B3GALT1: variants seen among roughly 807,000 people sequenced by gnomAD.
B3GALT1 encodes the protein beta-1,3-galactosyltransferase 1.
Under a neutral mutation model 23.2 loss-of-function variants are expected in B3GALT1, and 10 were observed. The observed-to-expected ratio is 0.43, with a 90% confidence interval of 0.27 to 0.73. The LOEUF (loss-of-function observed/expected upper bound fraction) is 0.73, where lower values mean the gene tolerates loss of function less well. B3GALT1 is among the 30% of genes least tolerant of loss of function. The pLI is 0.21. For synonymous variants in B3GALT1, 156 were observed against 141.5 expected (o/e 1.10, Z -0.73); for missense variants, 299 against 405.4 (o/e 0.74, Z 2.25).
intron 3 of B3GALT1, among the ~76,000 whole-genome samples, chr2:167,744,499 T>C (rs557571502): frequency 2.0e-5 from 3 of 152,342 alleles, no homozygotes; most frequent in East Asian, 3.9e-4. Context: ...AGAATACTTT[T>C]TATTCCTCAG....
intron 1 of B3GALT1, among the ~76,000 whole-genome samples, chr2:167,436,771 G>A (rs1698792503): frequency 1.3e-5 from 2 of 152,064 alleles, no homozygotes; most frequent in Non-Finnish European, 2.9e-5. Context: ...CAGTCCCCCA[G>A]TTAAGAGGGT....
Position 167,294,605 on chromosome 2 carries a change from T to C in B3GALT1, c.-511+1271T>C, listed in dbSNP as rs1365082594. Reference sequence around the variant, plus strand: ...CCTTGTCTCCGTGGGAGTATCTGCTTAGGAAAGTTCTTGAAATACCTCAAT... The same window carrying C: ...CCTTGTCTCCGTGGGAGTATCTGCTCAGGAAAGTTCTTGAAATACCTCAAT... On this transcript the variant is annotated intron_variant, in intron 1 of 4. Transcript: ENST00000392690. Among the ~76,000 whole-genome samples the C allele has an allele frequency of 2.6e-5, 4 of 152,286 alleles. No homozygotes were observed. In the East Asian group the frequency reaches 7.7e-4, roughly 29 times the overall value.
chr2:167,866,525 T>G (rs552806087), intron 4 of B3GALT1, among the ~76,000 whole-genome samples: 1 of 152,348 alleles, frequency 6.6e-6, no homozygotes, highest in African/African-American at 2.4e-5. Context: ...AATGAATGAA[T>G]AAATTCAAGA....
chr2:167,511,977 G>T (rs1478786446), intron 2 of B3GALT1, among the ~76,000 whole-genome samples: 1 of 152,064 alleles, frequency 6.6e-6, no homozygotes, highest in Non-Finnish European at 1.5e-5. Context: ...CTCTCTTGGG[G>T]CTCACATTCT....
At chr2:167,353,577 A>G (rs1697352205) in intron 1 of B3GALT1, among the ~76,000 whole-genome samples, 1 of 152,174 alleles carries the variant, frequency 6.6e-6, no homozygotes, top group South Asian at 2.1e-4. Flanking sequence ...CAATGTATAT[A>G]CACAACTCAG....
intron 2 of B3GALT1, among the ~76,000 whole-genome samples, chr2:167,538,486 G>A (rs928275936): frequency 9.2e-5 from 14 of 152,148 alleles, no homozygotes; most frequent in African/African-American, 2.9e-4. Context: ...GACACATTAA[G>A]GGTGTGATTT....
chr2:167,485,449 A>G (rs1245512891), intron 1 of B3GALT1, among the ~76,000 whole-genome samples: 1 of 152,194 alleles, frequency 6.6e-6, no homozygotes, highest in African/African-American at 2.4e-5. Context: ...TGTTCAGTCA[A>G]TATTTATGGA....
chr2:167,845,982 T>C (rs1273803091), intron 4 of B3GALT1, among the ~76,000 whole-genome samples: 1 of 152,080 alleles, frequency 6.6e-6, no homozygotes, highest in Admixed American at 6.6e-5. Flanking sequence ...ACCAATAGAA[T>C]TGAACAAGTA....
At chr2:167,421,018 C>T (rs993354508) in intron 1 of B3GALT1, among the ~76,000 whole-genome samples, 1 of 152,140 alleles carries the variant, frequency 6.6e-6, no homozygotes, top group Non-Finnish European at 1.5e-5. Context: ...GATGAAATAA[C>T]AGTCATTCAC....
intron 4 of B3GALT1, among the ~76,000 whole-genome samples, chr2:167,824,883 A>G (rs1689182258): frequency 6.6e-6 from 1 of 152,198 alleles, no homozygotes; most frequent in African/African-American, 2.4e-5. Context: ...CAGATATCCA[A>G]GTACACAATT....
At chr2:167,563,333 A>C (rs35857990) in intron 2 of B3GALT1, among the ~76,000 whole-genome samples, 23 of 130,184 alleles carry the variant, frequency 1.8e-4, no homozygotes, top group South Asian at 5.3e-4. Context: ...ACTTCCCGGA[A>C]GGGGCGGCTG....
At chr2:167,718,981 A>G (rs574723685) in intron 3 of B3GALT1, among the ~76,000 whole-genome samples, 1 of 152,346 alleles carries the variant, frequency 6.6e-6, no homozygotes, top group Non-Finnish European at 1.5e-5. Context: ...TAGGAATTCT[A>G]GCGTACAATT....
chr2:167,666,689 C>G (rs886385910), intron 3 of B3GALT1, among the ~76,000 whole-genome samples: 1 of 152,132 alleles, frequency 6.6e-6, no homozygotes, highest in African/African-American at 2.4e-5. Flanking sequence ...GAATTGATCC[C>G]TTTACCATTA....
At chr2:167,804,520 T>A (rs573181489) in intron 3 of B3GALT1, among the ~76,000 whole-genome samples, 1 of 151,744 alleles carries the variant, frequency 6.6e-6, no homozygotes, top group Non-Finnish European at 1.5e-5. Context: ...ATGTTCCCCT[T>A]CCTGTGTCCA....
At chr2:167,390,574 A>G (rs1698003280) in intron 1 of B3GALT1, among the ~76,000 whole-genome samples, 1 of 152,176 alleles carries the variant, frequency 6.6e-6, no homozygotes, top group Non-Finnish European at 1.5e-5. Flanking sequence ...TTTTTCCAGA[A>G]ATTCTGATAT....
chr2:167,557,407 C>A (rs1441502714), intron 2 of B3GALT1, among the ~76,000 whole-genome samples: 1 of 152,032 alleles, frequency 6.6e-6, no homozygotes, highest in African/African-American at 2.4e-5. Flanking sequence ...TGGAAATTAC[C>A]TGATTGAAAT....
chr2:167,579,610 A>T (rs766002852), intron 2 of B3GALT1, among the ~76,000 whole-genome samples: 3 of 151,904 alleles, frequency 2.0e-5, no homozygotes, highest in Non-Finnish European at 4.4e-5. Context: ...AGTAGGAAAC[A>T]TTGTACACAG....
chr2:167,751,077 G>T (rs1687728098), intron 3 of B3GALT1, among the ~76,000 whole-genome samples: 1 of 152,136 alleles, frequency 6.6e-6, no homozygotes, highest in African/African-American at 2.4e-5. Flanking sequence ...GAATGAGCTT[G>T]GCTGAGTTCA....
At chr2:167,502,263 C>T (rs1347532090) in intron 2 of B3GALT1, among the ~76,000 whole-genome samples, 1 of 152,110 alleles carries the variant, frequency 6.6e-6, no homozygotes, top group Non-Finnish European at 1.5e-5. Flanking sequence ...TGACTAGCCT[C>T]TGACATAGTC....
Sources: allele counts gnomAD v4.1 joint callset (sites outside exome capture counted in the v4.1 genomes callset), GRCh38; gene constraint gnomAD v4.1.1; transcripts MANE v1.5; gene names NCBI Gene and HGNC (gene_info 2026-07-23, HGNC 2026-07-21).